Variants in RICTOR observed in about 807,000 individuals in gnomAD.
The protein encoded by RICTOR is rapamycin-insensitive companion of mTOR.
Under a neutral mutation model 214.9 loss-of-function variants are expected in RICTOR, and 49 were observed. That is an observed-to-expected ratio of 0.23 (90% CI 0.18 to 0.29). RICTOR has a LOEUF of 0.29. RICTOR is among the 10% of genes least tolerant of loss of function. The pLI is 1.00. For missense variants in RICTOR, 1,625 were observed against 2,047.0 expected (o/e 0.79, Z 3.98); for synonymous variants, 717 against 711.3 (o/e 1.01, Z -0.13).
rs1167034746 is a variant in RICTOR at position 38,960,546 on chromosome 5, C to T, written c.1716-13G>A. 2 of 1,609,448 alleles carry T rather than the reference C, an allele frequency of 1.2e-6. No individual in the cohort carries two copies. The highest frequency in any genetic ancestry group is 2.2e-5 in the East Asian group (1 of 44,862). ...TCTTCGTACAAACCTAAAATCAAAA[C>T]ACAAGTAGCAAAAAGGTAAGAAATG... On this transcript the variant is annotated splice_polypyrimidine_tract_variant and intron_variant, in intron 19 of 37. Transcript: ENST00000357387.
At chr5:39,003,943 T>C (rs9968590) in intron 3 of RICTOR, among the ~76,000 whole-genome samples, 24,661 of 152,192 alleles carry the variant, frequency 0.16, 2,490 homozygotes, top group Admixed American at 0.24. Context: ...ACATGCATTG[T>C]TGACTTATCT....
In RICTOR at chr5:38,993,031, T is replaced by C. The variant is rs754614310; in HGVS notation, c.457-1956A>G. On this transcript the variant is annotated intron_variant, in intron 6 of 37. Transcript: ENST00000357387. ...ATGAAGAGTAGGAAGGAAGTAACAA[T>C]TGTGGTAGTAGTGGTGGGTAGTTTG... is the stretch of plus-strand genomic sequence containing the variant. Among the ~76,000 whole-genome samples the C allele has an allele frequency of 7.2e-5, 11 of 152,150 alleles. No homozygotes were observed. In the East Asian group the frequency reaches 2.1e-3, roughly 29 times the overall value.
At chr5:38,971,453 AC>A (rs1274648837) in intron 11 of RICTOR, 1 of 148,430 alleles carries the variant, frequency 6.7e-6, no homozygotes, top group African/African-American at 2.5e-5. Flanking sequence ...GCTCACTGCA[AC>A]CTCTGCCTCC....
chr5:38,992,203 A>G (rs989544304), intron 6 of RICTOR, among the ~76,000 whole-genome samples: 9 of 152,186 alleles, frequency 5.9e-5, no homozygotes, highest in African/African-American at 2.2e-4. Flanking sequence ...AGAATCTACA[A>G]AAGCTTTCAT....
At chr5:39,040,011 T>A (rs879520722) in intron 2 of RICTOR, among the ~76,000 whole-genome samples, 18 of 152,094 alleles carry the variant, frequency 1.2e-4, no homozygotes, top group Non-Finnish European at 2.1e-4. Context: ...TAAAGACACA[T>A]GCACACGTAT....
In RICTOR at chr5:38,939,024, T is replaced by C. The variant is rs1174888605; in HGVS notation, c.*3280A>G. On this transcript the variant is annotated 3_prime_UTR_variant, in exon 38 of 38. Transcript: ENST00000357387. ...CCAAAGAACATTTCCCAAAGTAGTT[T>C]ACAAAGTTCATCTCACACAAAATTA... The C allele has an allele frequency of 4.3e-6, 1 of 233,030 alleles. No individual in the cohort carries two copies. Among genetic ancestry groups the C allele is most frequent in the Non-Finnish European group, 8.5e-6 (1 of 117,750 alleles). The allele number at this position is 233,030 out of a possible 1,614,324, so 14.4% of individuals were successfully genotyped here. A position where few individuals can be genotyped will look rare whatever the true frequency, so the allele number is the denominator to read the frequency against.
At chr5:39,073,980 C>G (rs977193997) in intron 2 of RICTOR, 131 bp downstream of exon 2, 3 of 424,732 alleles carry the variant, frequency 7.1e-6, no homozygotes. Context: ...GGCCGGCAGG[C>G]GGGGCTCCGG....
chr5:39,027,666 T>C (rs1755938116), intron 2 of RICTOR, among the ~76,000 whole-genome samples: 1 of 152,130 alleles, frequency 6.6e-6, no homozygotes, highest in African/African-American at 2.4e-5. Context: ...GTAGACATTT[T>C]GAAAAATAAA....
At position 38,978,657 on chromosome 5, in the gene RICTOR, A is replaced by T. The variant is rs754049442; in HGVS notation, c.754-7T>A. On this transcript the variant is annotated splice_region_variant and splice_polypyrimidine_tract_variant and intron_variant, in intron 8 of 37. Transcript: ENST00000357387. ...TATAGGGTGCTAAAATTCTCTATTT[A>T]AAAAAAAAAAGGAAGAAAAGAGTCT... The T allele has an allele frequency of 6.9e-5, 47 of 681,006 alleles. No individual in the cohort carries two copies. The highest frequency in any genetic ancestry group is 5.7e-4 in the African/African-American group (29 of 51,120). 42.2% of individuals were successfully genotyped at this position (681,006 alleles called of 1,614,324 possible).
chr5:39,037,393 T>A (rs1756801735), intron 2 of RICTOR, among the ~76,000 whole-genome samples: 1 of 151,142 alleles, frequency 6.6e-6, no homozygotes, highest in Non-Finnish European at 1.5e-5. Context: ...CACCCTAACA[T>A]CACAATTAAA....
intron 14 of RICTOR, 98 bp downstream of exon 14, chr5:38,967,063 A>T: frequency 1.1e-6 from 1 of 921,996 alleles, no homozygotes; most frequent in Non-Finnish European, 1.8e-6. Flanking sequence ...GGCTTCTCAA[A>T]GTGTTGGGAT....
chr5:38,958,701 G>A lies in RICTOR; in HGVS notation c.2309C>T (p.Ala770Val). The change falls in exon 23 of 38, where the codon GCT becomes GTT. Residue 770 changes from alanine (A) to valine (V), a missense_variant. Transcript: ENST00000357387. ...HDKNKTISSEALDILDEACED... is the reference protein window; with the variant it reads ...HDKNKTISSEVLDILDEACED... ...ACATGCTTCATCGAGGATATCAAGA[G>A]CTTCAGAGGAAATCGTTTTGTTTTT... The A allele has an allele frequency of 6.2e-7, 1 of 1,609,902 alleles. No individual in the cohort carries two copies. The highest frequency in any genetic ancestry group is 8.5e-7 in the Non-Finnish European group (1 of 1,178,468).
rs997963188 is a variant in RICTOR, at chr5:38,971,749, A to C, written c.972+128T>G. On this transcript the variant is annotated intron_variant, in intron 11 of 37. Transcript: ENST00000357387. Reference sequence around the variant, plus strand: ...CTAAGTAGTAAATATTTACTTCTGTATTTTAAAAATATGATCTAGATTAAC... The same window carrying C: ...CTAAGTAGTAAATATTTACTTCTGTCTTTTAAAAATATGATCTAGATTAAC... 6.7e-6 allele frequency: 4 copies of C among 595,530 alleles called. No homozygotes were observed. In the African/African-American group the frequency reaches 7.6e-5, roughly 11 times the overall value. The allele number at this position is 595,530 out of a possible 1,614,324, so 36.9% of individuals were successfully genotyped here.
chr5:39,013,024 G>C (rs1754663690), intron 3 of RICTOR, among the ~76,000 whole-genome samples: 1 of 152,128 alleles, frequency 6.6e-6, no homozygotes, highest in African/African-American at 2.4e-5. Flanking sequence ...AAAGAAAACA[G>C]GAATGAAAAA....
intron 2 of RICTOR, among the ~76,000 whole-genome samples, chr5:39,073,407 G>A (rs1018107012): frequency 5.3e-5 from 8 of 152,324 alleles, no homozygotes; most frequent in African/African-American, 1.9e-4. Context: ...AGTTTCCCCA[G>A]TTCGGAAGGT....
chr5:39,039,995 G>C (rs1227798662), intron 2 of RICTOR, among the ~76,000 whole-genome samples: 9 of 152,074 alleles, frequency 5.9e-5, no homozygotes, highest in South Asian at 4.2e-4. Flanking sequence ...ATAAATCATG[G>C]TGCTATAAAG....
intron 2 of RICTOR, among the ~76,000 whole-genome samples, chr5:39,039,556 C>A (rs529135835): frequency 3.3e-5 from 5 of 152,222 alleles, no homozygotes; most frequent in Admixed American, 2.6e-4. Context: ...AAAATTTTTG[C>A]AACCTACTCA....
chr5:38,959,263 T>C lies in RICTOR; in HGVS notation c.2110A>G (p.Ser704Gly). 6.2e-7 allele frequency: 1 copy of C among 1,600,610 alleles called. No homozygotes were observed. The change falls in exon 22 of 38, where the codon AGC (serine) becomes GGC (glycine). Residue 704 changes from serine (S) to glycine (G), a missense_variant. By Grantham distance (56) the Ser-to-Gly change is moderately conservative. Around this residue, in one of 5 missense-constraint regions of RICTOR, gnomAD observed 1,214 missense variants for 1,470.5 expected, o/e 0.83. Coordinates refer to ENST00000357387, the MANE Select transcript of RICTOR (RefSeq NM_152756.5). ...QDHLLKLTVS[S>G]LDYSRDGLAR... ...AATCCATCTCTGCTATAGTCCAAGC[T>C]AGAAACAGTAAGTTTTAGCAAGTGA...
chr5:39,002,405 T>C (rs1580067568), intron 5 of RICTOR, 130 bp downstream of exon 5: 2 of 553,482 alleles, frequency 3.6e-6, no homozygotes, highest in East Asian at 6.1e-5. Context: ...TGTGTGTATA[T>C]ATATATATAT....
Sources: allele counts gnomAD v4.1 joint callset (sites outside exome capture counted in the v4.1 genomes callset), GRCh38; gene constraint gnomAD v4.1.1; regional missense constraint gnomAD v4.1.1; transcripts MANE v1.5; gene names NCBI Gene and HGNC (gene_info 2026-07-23, HGNC 2026-07-21).